Variants in EML6 observed in about 807,000 individuals in gnomAD.
EML6 encodes the protein EMAP like 6, also known as echinoderm microtubule-associated protein-like 6.
A neutral mutation model predicts 240.1 loss-of-function variants in EML6; 154 were observed. That is an observed-to-expected ratio of 0.64 (90% CI 0.56 to 0.73). The LOEUF is 0.73. EML6 is among the 30% of genes least tolerant of loss of function. The pLI is 0.00. For missense variants in EML6, 2,964 were observed against 2,474.6 expected (o/e 1.20, Z -4.20); for synonymous variants, 1,148 against 899.0 (o/e 1.28, Z -4.95).
chr2:54,938,977 G>T (rs1190446154), intron 28 of EML6, among the ~76,000 whole-genome samples: 3 of 152,208 alleles, frequency 2.0e-5, no homozygotes, highest in African/African-American at 7.2e-5. Flanking sequence ...CCTCTCCCAA[G>T]TAGGTTGTCA....
At chr2:54,757,791 T>C (rs1667805951) in intron 2 of EML6, among the ~76,000 whole-genome samples, 1 of 151,930 alleles carries the variant, frequency 6.6e-6, no homozygotes, top group Admixed American at 6.6e-5. Context: ...CTTTCTGACT[T>C]CCCCCTTCTT....
chr2:54,898,916 T>C (rs927785685), intron 21 of EML6, among the ~76,000 whole-genome samples: 3 of 152,356 alleles, frequency 2.0e-5, no homozygotes, highest in African/African-American at 7.2e-5. Flanking sequence ...AAAATACTGC[T>C]TTCTCTTAGT....
At chr2:54,924,349 G>T (rs1451061428) in intron 26 of EML6, among the ~76,000 whole-genome samples, 1 of 149,752 alleles carries the variant, frequency 6.7e-6, no homozygotes, top group Non-Finnish European at 1.5e-5. Context: ...TGATGACTAA[G>T]GATGCTGAGC....
chr2:54,752,459 T>A (rs1684219225), intron 2 of EML6, among the ~76,000 whole-genome samples: 1 of 152,192 alleles, frequency 6.6e-6, no homozygotes. Flanking sequence ...TCCCAGTCAT[T>A]ATGCCCTCTT....
intron 28 of EML6, among the ~76,000 whole-genome samples, chr2:54,937,077 C>A (rs986775514): frequency 1.3e-5 from 2 of 150,018 alleles, no homozygotes; most frequent in African/African-American, 4.9e-5. Context: ...GTCAGGAGTT[C>A]GAGACGTGCC....
chr2:54,805,869 A>T (rs1400242866), intron 2 of EML6, among the ~76,000 whole-genome samples: 3 of 152,028 alleles, frequency 2.0e-5, no homozygotes, highest in Admixed American at 6.6e-5. Context: ...TTCCATATGG[A>T]TACCTAGTTG....
At chr2:54,728,942 C>G (rs1034487683) in intron 2 of EML6, among the ~76,000 whole-genome samples, 1 of 152,282 alleles carries the variant, frequency 6.6e-6, no homozygotes, top group African/African-American at 2.4e-5. Flanking sequence ...TCATCTTCCC[C>G]GCTGGCCCTT....
rs1048252840 is a variant in EML6, at chr2:54,849,880, C to G, written c.1188-82C>G. The G allele has an allele frequency of 2.6e-6, 3 of 1,161,022 alleles. No homozygotes were observed. The East Asian group carries it at 7.7e-5, about 30-fold the overall frequency. The allele number at this position is 1,161,022 out of a possible 1,614,324, so 71.9% of individuals were successfully genotyped here. On this transcript the variant is annotated intron_variant, in intron 9 of 41. Coordinates refer to ENST00000356458, the MANE Select transcript of EML6 (RefSeq NM_001039753.4). ...GGTTTGGTTCTCTTTCAACACACTT[C>G]TTTTTCTGACACATATATTTTAAAA...
intron 33 of EML6, 39 bp from the exon 34 acceptor site, chr2:54,959,065 A>T (rs993284061): frequency 2.0e-6 from 3 of 1,523,628 alleles, no homozygotes; most frequent in Non-Finnish European, 2.7e-6. Flanking sequence ...GACCCGCTTG[A>T]GTGTGTTCCG....
At chr2:54,940,255 T>C (rs1180364201) in intron 28 of EML6, among the ~76,000 whole-genome samples, 1 of 152,224 alleles carries the variant, frequency 6.6e-6, no homozygotes, top group Non-Finnish European at 1.5e-5. Context: ...CACCTCATTC[T>C]TTCTGAGTTG....
chr2:54,807,022 A>C (rs908759219), intron 2 of EML6, among the ~76,000 whole-genome samples: 2 of 152,232 alleles, frequency 1.3e-5, no homozygotes, highest in African/African-American at 4.8e-5. Context: ...GACATAAATA[A>C]TATATAATGC....
At chr2:54,781,216 T>C (rs1401827632) in intron 2 of EML6, among the ~76,000 whole-genome samples, 1 of 152,160 alleles carries the variant, frequency 6.6e-6, no homozygotes, top group Non-Finnish European at 1.5e-5. Flanking sequence ...GACACACAGC[T>C]AGTGAGTGGC....
At chr2:54,788,172 C>G (rs754267934) in intron 2 of EML6, among the ~76,000 whole-genome samples, 2 of 152,248 alleles carry the variant, frequency 1.3e-5, no homozygotes, top group Non-Finnish European at 2.9e-5. Flanking sequence ...CAGGTTCTCG[C>G]TCACTCGCTC....
At chr2:54,806,487 C>A (rs754385820) in intron 2 of EML6, among the ~76,000 whole-genome samples, 1 of 151,720 alleles carries the variant, frequency 6.6e-6, no homozygotes, top group African/African-American at 2.4e-5. Context: ...GTAGCACGTG[C>A]CTGTAATCCC....
At chr2:54,933,242 A>T (rs1674954004) in intron 28 of EML6, among the ~76,000 whole-genome samples, 1 of 152,170 alleles carries the variant, frequency 6.6e-6, no homozygotes, top group South Asian at 2.1e-4. Context: ...ACCAATCACT[A>T]TGGGCTAGGA....
intron 24 of EML6, among the ~76,000 whole-genome samples, chr2:54,909,196 C>T (rs970946117): frequency 2.6e-5 from 4 of 152,166 alleles, no homozygotes; most frequent in African/African-American, 2.4e-5. Flanking sequence ...CACTGAATAA[C>T]CGTCCACGTG....
intron 7 of EML6, among the ~76,000 whole-genome samples, chr2:54,831,675 C>T (rs1288035933): frequency 2.6e-5 from 4 of 152,214 alleles, no homozygotes; most frequent in Non-Finnish European, 5.9e-5. Flanking sequence ...GATTGGTGTG[C>T]ATCTTAGATG....
chr2:54,835,527 C>T (rs1407353450), intron 7 of EML6, among the ~76,000 whole-genome samples: 2 of 152,186 alleles, frequency 1.3e-5, no homozygotes, highest in Non-Finnish European at 2.9e-5. Flanking sequence ...GAGGTTTAGG[C>T]AGGCATGTGG....
In EML6 at chr2:54,725,292, T is replaced by G. The variant is rs1035049026; in HGVS notation, c.197+34T>G. On this transcript the variant is annotated intron_variant, in intron 2 of 41. Transcript: ENST00000356458. The surrounding 1 kb of genome is among the most constrained non-coding windows in gnomAD (Gnocchi z 4.3). ...GTGGCCAGGGGCGGCGGGGAGGGGT[T>G]GCGTGTGGAGGCTGGGAAGGTGGGA... 2.2e-6 allele frequency: 3 copies of G among 1,378,988 alleles called. No individual in the cohort carries two copies. In the African/African-American group the frequency reaches 4.5e-5, roughly 21 times the overall value. 85.4% of individuals were successfully genotyped at this position (1,378,988 alleles called of 1,614,324 possible).
Sources: allele counts gnomAD v4.1 joint callset (sites outside exome capture counted in the v4.1 genomes callset), GRCh38; gene constraint gnomAD v4.1.1; non-coding constraint Gnocchi (gnomAD v3.1); transcripts MANE v1.5; gene names NCBI Gene and HGNC (gene_info 2026-07-23, HGNC 2026-07-21).